Variants in HERC6 observed in about 807,000 individuals in gnomAD.
HERC6 encodes the protein HECT and RLD domain containing E3 ubiquitin protein ligase family member 6.
HERC6 carries 101 observed loss-of-function variants against 114.5 expected under a neutral mutation model. That is an observed-to-expected ratio of 0.88 (90% CI 0.75 to 1.04). The LOEUF is 1.04. Among genes scored for constraint, HERC6 ranks in the 50% least tolerant of loss-of-function variants. HERC6 has a pLI of 0.00. For synonymous variants in HERC6, 408 were observed against 436.2 expected, an observed-to-expected ratio of 0.94 and a Z score of 0.81; for missense variants, 1,133 against 1,230.9, an observed-to-expected ratio of 0.92 and a Z score of 1.19.
intron 18 of HERC6, 53 bp from the exon 19 acceptor site, chr4:88,436,852 T>G: frequency 7.9e-7 from 1 of 1,266,116 alleles, no homozygotes; most frequent in Non-Finnish European, 1.1e-6. Context: ...AAATTACTTG[T>G]GAAACTTTAT....
intron 15 of HERC6, among the ~76,000 whole-genome samples, chr4:88,427,117 G>A (rs988984307): frequency 2.0e-5 from 3 of 152,208 alleles, no homozygotes; most frequent in African/African-American, 7.2e-5. Context: ...ACTTTTAGTT[G>A]TTATGAGTGA....
chr4:88,384,905 C>A (rs1251639946), intron 2 of HERC6, among the ~76,000 whole-genome samples: 1 of 152,092 alleles, frequency 6.6e-6, no homozygotes, highest in Non-Finnish European at 1.5e-5. Flanking sequence ...TGCCTGTAAT[C>A]CCAGCTACTT....
Position 88,393,501 on chromosome 4 carries a change from G to A in HERC6, c.678G>A (p.Lys226=), listed in dbSNP as rs777148021. The change falls in exon 5 of 23, where the codon AAG becomes AAA. Residue 226 remains lysine (K), a synonymous_variant. Coordinates refer to ENST00000264346, the MANE Select transcript of HERC6 (RefSeq NM_017912.4). ...TTCTTTCAACAGTGCAAAGCAACAA[G>A]CCTCTCTCAGTCGGTGCACTGAAGA... ...SGRNVPVQSN[K]PLSVGALKNL... 3.5e-5 allele frequency: 57 copies of A among 1,610,154 alleles called. 1 individual carries two copies. Among genetic ancestry groups the A allele is most frequent in the Middle Eastern group, 1.6e-4 (1 of 6,066 alleles).
At chr4:88,404,203 T>A (rs1735691453) in intron 8 of HERC6, among the ~76,000 whole-genome samples, 1 of 151,854 alleles carries the variant, frequency 6.6e-6, no homozygotes, top group Admixed American at 6.6e-5. Context: ...CTTTTTTTTT[T>A]TTTTTTGAGA....
intron 13 of HERC6, among the ~76,000 whole-genome samples, chr4:88,421,371 A>C (rs1425250415): frequency 6.6e-6 from 1 of 152,146 alleles, no homozygotes; most frequent in African/African-American, 2.4e-5. Context: ...ACTGTTTTCC[A>C]AAGCAGCTAC....
chr4:88,405,791 C>G (rs1735788066), intron 10 of HERC6, among the ~76,000 whole-genome samples, 178 bp downstream of exon 10: 1 of 152,066 alleles, frequency 6.6e-6, no homozygotes, highest in African/African-American at 2.4e-5. Flanking sequence ...TATTAGACTA[C>G]CATAAGTTAT....
intron 16 of HERC6, among the ~76,000 whole-genome samples, 191 bp from the exon 17 acceptor site, chr4:88,430,969 TGA>T (rs1457407329): frequency 6.6e-6 from 1 of 152,180 alleles, no homozygotes; most frequent in Non-Finnish European, 1.5e-5. Context: ...CACAACAATC[TGA>T]GAATAAATAG....
rs759071752 is a variant in HERC6, at chr4:88,423,910, A to C, written c.1764A>C (p.Glu588Asp). 1 of 1,579,156 alleles carries C rather than the reference A, an allele frequency of 6.3e-7. No individual in the cohort carries two copies. Among genetic ancestry groups the C allele is most frequent in the Non-Finnish European group, 8.6e-7 (1 of 1,165,206 alleles). The change falls in exon 14 of 23, where the codon GAA (glutamate) becomes GAC (aspartate). Residue 588 changes from glutamate (E) to aspartate (D), a missense_variant. Glu to Asp is a conservative substitution (Grantham distance 45). Coordinates refer to ENST00000264346, the MANE Select transcript of HERC6 (RefSeq NM_017912.4). Reference sequence around the variant, plus strand: ...CAGAAAATACTTTCAACATAAATGAACTCTCCAACTTATTAAACTTTTATA... The same window carrying C: ...CAGAAAATACTTTCAACATAAATGACCTCTCCAACTTATTAAACTTTTATA... ...RLPENTFNINELSNLLNFYID... is the reference protein window; with the variant it reads ...RLPENTFNINDLSNLLNFYID...
intron 12 of HERC6, among the ~76,000 whole-genome samples, chr4:88,413,563 A>G (rs1405371765): frequency 6.6e-6 from 1 of 152,210 alleles, no homozygotes; most frequent in Non-Finnish European, 1.5e-5. Context: ...TAAAGTATTC[A>G]ATCAAGATCA....
rs1734524409 is a variant in HERC6 at position 88,385,492 on chromosome 4, A to G, written c.360-7A>G. 1.5e-6 allele frequency: 2 copies of G among 1,308,240 alleles called. No individual in the cohort carries two copies. The highest frequency in any genetic ancestry group is 2.6e-5 in the East Asian group (1 of 38,986). 81.0% of individuals were successfully genotyped at this position (1,308,240 alleles called of 1,614,324 possible). A position where few individuals can be genotyped will look rare whatever the true frequency, so the allele number is the denominator to read the frequency against. On this transcript the variant is annotated splice_region_variant and splice_polypyrimidine_tract_variant and intron_variant, in intron 2 of 22. Transcript: ENST00000264346. Reference sequence around the variant, plus strand: ...GATTAATCAATTTTGTATTATTTGTATTATAGGAAAATAATGACTCTGAAT... The same window carrying G: ...GATTAATCAATTTTGTATTATTTGTGTTATAGGAAAATAATGACTCTGAAT...
Position 88,417,599 on chromosome 4 carries a change from A to T in HERC6, c.1713+20A>T. ...CATAAGGTAAGGGTTACTCTAAAGG[A>T]ATGCATGTACTATTTTATGTAATCA... is the stretch of plus-strand genomic sequence containing the variant. On this transcript the variant is annotated intron_variant, in intron 13 of 22. Transcript: ENST00000264346. 1 of 1,597,548 alleles carries T rather than the reference A, an allele frequency of 6.3e-7. No individual in the cohort carries two copies. The highest frequency in any genetic ancestry group is 8.5e-7 in the Non-Finnish European group (1 of 1,169,980).
intron 15 of HERC6, among the ~76,000 whole-genome samples, chr4:88,427,121 T>C (rs969294690): frequency 1.3e-5 from 2 of 152,206 alleles, no homozygotes; most frequent in African/African-American, 4.8e-5. Context: ...TTAGTTGTTA[T>C]GAGTGAAGCT....
rs3806784 is a variant in HERC6, at chr4:88,423,774, T to C, written c.1714-86T>C. The C allele has an allele frequency of 2.8e-4, 149 of 537,078 alleles. 1 individual carries two copies. The East Asian group carries it at 3.0e-3, about 11-fold the overall frequency. The allele number at this position is 537,078 out of a possible 1,614,324, so 33.3% of individuals were successfully genotyped here. The stretch of plus-strand genomic sequence containing the variant: ...GAGAGCTTTCTTCTTCTTATCTGTA[T>C]AACAGCCATACATATATATCTATAT... On this transcript the variant is annotated intron_variant, in intron 13 of 22. Coordinates refer to ENST00000264346, the MANE Select transcript of HERC6 (RefSeq NM_017912.4).
intron 17 of HERC6, 24 bp downstream of exon 17, chr4:88,431,329 T>G (rs529215596): frequency 6.4e-7 from 1 of 1,564,872 alleles, no homozygotes; most frequent in South Asian, 1.2e-5. Flanking sequence ...TTTTTTTTTT[T>G]CCCCCAGAAC....
chr4:88,381,638 A>G (rs1248045470), intron 1 of HERC6, among the ~76,000 whole-genome samples: 1 of 145,376 alleles, frequency 6.9e-6, no homozygotes, highest in Non-Finnish European at 1.5e-5. Context: ...GCTCACTGCA[A>G]CCTCCGCCTC....
At chr4:88,412,385 C>T (rs1354720312) in intron 11 of HERC6, among the ~76,000 whole-genome samples, 3 of 152,154 alleles carry the variant, frequency 2.0e-5, no homozygotes, top group African/African-American at 7.2e-5. Flanking sequence ...GTGGGAGTAT[C>T]ACCTGAGCCC....
intron 2 of HERC6, among the ~76,000 whole-genome samples, chr4:88,383,820 T>C (rs563550055): frequency 1.4e-5 from 2 of 138,064 alleles, no homozygotes; most frequent in Non-Finnish European, 3.1e-5. Context: ...GTTCCTAACC[T>C]GAAGGACTAC....
At chr4:88,438,025 A>C (rs12505850) in intron 20 of HERC6, among the ~76,000 whole-genome samples, 133,177 of 151,308 alleles carry the variant, frequency 0.88, 58,944 homozygotes, top group East Asian at 1. Flanking sequence ...CTCAGCTACT[A>C]AGGAGGCTGA....
chr4:88,393,640 T>A, intron 5 of HERC6, 58 bp downstream of exon 5: 2 of 1,006,780 alleles, frequency 2.0e-6, no homozygotes, highest in Non-Finnish European at 3.1e-6. Context: ...ACAAGATACA[T>A]ATGTACTAAT....
Sources: allele counts gnomAD v4.1 joint callset (sites outside exome capture counted in the v4.1 genomes callset), GRCh38; gene constraint gnomAD v4.1.1; transcripts MANE v1.5; gene names NCBI Gene and HGNC (gene_info 2026-07-23, HGNC 2026-07-21).